SQSTM1: variants seen among roughly 807,000 people sequenced by gnomAD.
SQSTM1 encodes the protein sequestosome-1.
Under a neutral mutation model 45.1 loss-of-function variants are expected in SQSTM1, and 36 were observed. The observed-to-expected ratio is 0.80, with a 90% CI of 0.61 to 1.05. The LOEUF (loss-of-function observed/expected upper bound fraction) is 1.05. Among genes scored for constraint, SQSTM1 ranks in the 50% least tolerant of loss-of-function variants. The pLI is 0.00. For missense variants in SQSTM1, 617 were observed against 607.1 expected, an observed-to-expected ratio of 1.02 and a Z score of -0.17; for synonymous variants, 290 against 244.3, an observed-to-expected ratio of 1.19 and a Z score of -1.74.
rs71001049 is a variant in SQSTM1 at position 179,809,325 on chromosome 5, A to ATTTTT, written c.-156-2224_-156-2220dup. On this transcript the variant is annotated intron_variant, in intron 1 of 5. Transcript: ENST00000514093. Reference sequence around the variant, plus strand: ...AGGCGCCCGCCACCACGCCTGGCTAATTTTTTTTTTTTTTTTTTTTTTTTT... The same window carrying ATTTTT: ...AGGCGCCCGCCACCACGCCTGGCTAATTTTTTTTTTTTTTTTTTTTTTTTTTTTTT... Among the ~76,000 whole-genome samples, 46 of 41,078 alleles carry ATTTTT rather than the reference A, an allele frequency of 1.1e-3. 9 individuals are homozygous for ATTTTT. Among genetic ancestry groups the ATTTTT allele is most frequent in the African/African-American group, 3.1e-3 (27 of 8,830 alleles). 26.9% of individuals were successfully genotyped at this position (41,078 alleles called of 152,430 possible).
chr5:179,837,035 C>G lies in SQSTM1; in HGVS notation c.*442C>G. On this transcript the variant is annotated 3_prime_UTR_variant, in exon 8 of 8. Coordinates refer to ENST00000389805, the MANE Select transcript of SQSTM1 (RefSeq NM_003900.5). ...AGTAAGCCTAGGTGTTGTCAGCAGG[C>G]AGGCTGGGGAGGCCAGTGTTGTGGG... 1 of 638,930 alleles carries G rather than the reference C, an allele frequency of 1.6e-6. No individual in the cohort carries two copies. Among genetic ancestry groups the G allele is most frequent in the Non-Finnish European group, 2.8e-6 (1 of 362,728 alleles). The allele number at this position is 638,930 out of a possible 1,614,324, so 39.6% of individuals were successfully genotyped here.
chr5:179,807,400 G>A, intron 1 of SQSTM1: 1 of 152,466 alleles, frequency 6.6e-6, no homozygotes, highest in Non-Finnish European at 1.5e-5. Flanking sequence ...ACGGAGGCGC[G>A]CAGGGGCCCG....
chr5:179,812,033 T>C (rs542338010), intron 2 of SQSTM1: 2 of 152,086 alleles, frequency 1.3e-5, no homozygotes, highest in Non-Finnish European at 2.9e-5. Flanking sequence ...CTCGATCTCC[T>C]GACTTCATGA....
chr5:179,830,628 A>G (rs1279767653), intron 5 of SQSTM1, among the ~76,000 whole-genome samples: 1 of 151,282 alleles, frequency 6.6e-6, no homozygotes, highest in African/African-American at 2.4e-5. Context: ...GCGTGATCTC[A>G]GCTCACTGCA....
intron 7 of SQSTM1, among the ~76,000 whole-genome samples, chr5:179,834,559 G>C (rs529953826): frequency 6.6e-6 from 1 of 151,234 alleles, no homozygotes; most frequent in South Asian, 2.1e-4. Context: ...AGGACCCTGC[G>C]GCCTTCCGCA....
chr5:179,811,089 CG>C (rs1757380794), intron 1 of SQSTM1, among the ~76,000 whole-genome samples: 1 of 151,922 alleles, frequency 6.6e-6, no homozygotes, highest in African/African-American at 2.4e-5. Flanking sequence ...AAAAATTAGC[CG>C]GGAGTGGTGG....
At chr5:179,826,871 G>A (rs1422521504) in intron 5 of SQSTM1, among the ~76,000 whole-genome samples, 3 of 152,062 alleles carry the variant, frequency 2.0e-5, no homozygotes, top group African/African-American at 7.2e-5. Flanking sequence ...GTGAGCCACC[G>A]AGCCCGGCCA....
In SQSTM1 at chr5:179,833,232, G is replaced by A. The variant is rs61748794; in HGVS notation, c.955G>A (p.Glu319Lys). The A allele has an allele frequency of 2.5e-3, 3,913 of 1,588,600 alleles. 86 individuals carry two copies. The African/African-American group carries it at 0.046, about 19-fold the overall frequency. ...GATGAGGAAGATCGCCTTGGAGTCC[G>A]AGGGGCGCCCTGAGGCAAGCCTGTG... ...EQMRKIALES[E>K]GRPEEQMESD... The change falls in exon 6 of 8, where the codon GAG becomes AAG. Residue 319 changes from glutamate to lysine, a missense_variant. By Grantham distance (56) the Glu-to-Lys change is moderately conservative. Coordinates refer to ENST00000389805, the MANE Select transcript of SQSTM1 (RefSeq NM_003900.5).
At position 179,825,131 on chromosome 5, in the gene SQSTM1, T is replaced by C. The variant is rs747171411; in HGVS notation, c.674-15T>C. On this transcript the variant is annotated splice_polypyrimidine_tract_variant and intron_variant, in intron 4 of 7. Coordinates refer to ENST00000389805, the MANE Select transcript of SQSTM1 (RefSeq NM_003900.5). ...CATTAAAGATATCTTTATCTTATCT[T>C]TGTAAAAATCAAAGCTTCTGGTCCA... 3.1e-6 allele frequency: 5 copies of C among 1,613,442 alleles called. No individual in the cohort carries two copies. Among genetic ancestry groups the C allele is most frequent in the South Asian group, 1.1e-5 (1 of 91,072 alleles).
intron 5 of SQSTM1, among the ~76,000 whole-genome samples, chr5:179,828,685 T>G (rs1285904321): frequency 6.6e-6 from 1 of 152,192 alleles, no homozygotes; most frequent in East Asian, 1.9e-4. Context: ...CTTCAACCTT[T>G]TCATAATCAC....
rs1468684491 is a variant in SQSTM1, at chr5:179,832,905, C to T, written c.755-127C>T. 5 of 972,128 alleles carry T rather than the reference C, an allele frequency of 5.1e-6. No homozygotes were observed. In the East Asian group the frequency reaches 1.0e-4, roughly 20 times the overall value. The allele number at this position is 972,128 out of a possible 1,614,324, so 60.2% of individuals were successfully genotyped here. A position where few individuals can be genotyped will look rare whatever the true frequency, so the allele number is the denominator to read the frequency against. On this transcript the variant is annotated intron_variant, in intron 5 of 7. Coordinates refer to ENST00000389805, the MANE Select transcript of SQSTM1 (RefSeq NM_003900.5). Reference sequence around the variant, plus strand: ...CACGCTGAGTGCCACCATCCAGACACTTAGCTGCTTGTGGGGACTGAACGT... The same window carrying T: ...CACGCTGAGTGCCACCATCCAGACATTTAGCTGCTTGTGGGGACTGAACGT...
chr5:179,817,204 C>A (rs1757608715), upstream of SQSTM1, among the ~76,000 whole-genome samples: 1 of 152,214 alleles, frequency 6.6e-6, no homozygotes. Context: ...CTTCCAGTGA[C>A]CCCCACATCC....
Position 179,823,076 on chromosome 5 carries a change from G to T in SQSTM1, c.301+23G>T. 2.5e-6 allele frequency: 4 copies of T among 1,605,442 alleles called. 1 individual carries two copies. In the Middle Eastern group the frequency reaches 6.7e-4, roughly 270 times the overall value. On this transcript the variant is annotated intron_variant, in intron 2 of 7. Transcript: ENST00000389805. ...AAGGTAAGGGGCTGCTCTGGGGGCT[G>T]CCTGAAGCCAGCTCAGCTTGTACTC...
At position 179,837,411 on chromosome 5, in the gene SQSTM1, C is replaced by A; in HGVS notation, c.*818C>A. The A allele has an allele frequency of 6.3e-7, 1 of 1,595,508 alleles. No homozygotes were observed. ...CCAGATCACACATCATCATCGAAGT[C>A]TTCCCCAGTTATAAAGAGGTCACAT... On this transcript the variant is annotated 3_prime_UTR_variant, in exon 8 of 8. Coordinates refer to ENST00000389805, the MANE Select transcript of SQSTM1 (RefSeq NM_003900.5).
At position 179,821,429 on chromosome 5, in the gene SQSTM1, G is replaced by C. The variant is rs1036142912; in HGVS notation, c.205+288G>C. 81 of 618,248 alleles carry C rather than the reference G, an allele frequency of 1.3e-4. 1 individual carries two copies. The highest frequency in any genetic ancestry group is 9.5e-4 in the South Asian group (62 of 64,976). The allele number at this position is 618,248 out of a possible 1,614,324, so 38.3% of individuals were successfully genotyped here. The stretch of plus-strand genomic sequence containing the variant: ...CGAGCCTGGGGGCGTCAGACGCCCC[G>C]CTCCACCCCCCGCGCTGTTGGGGAT... On this transcript the variant is annotated intron_variant, in intron 1 of 7. Transcript: ENST00000389805.
intron 5 of SQSTM1, among the ~76,000 whole-genome samples, chr5:179,829,059 A>G (rs1369194077): frequency 1.3e-5 from 2 of 152,200 alleles, no homozygotes; most frequent in African/African-American, 4.8e-5. Context: ...ACCTCTAGGG[A>G]GTGTCAGCTA....
intron 1 of SQSTM1, 147 bp from the exon 2 acceptor site, chr5:179,822,811 T>A (rs992787344): frequency 2.1e-5 from 16 of 744,528 alleles, no homozygotes; most frequent in Non-Finnish European, 3.1e-5. Context: ...TAGTCTTGCC[T>A]CTCACTCCTG....
chr5:179,836,361 G>C, intron 7 of SQSTM1, 75 bp from the exon 8 acceptor site: 2 of 1,605,802 alleles, frequency 1.2e-6, no homozygotes, highest in East Asian at 4.5e-5. Context: ...GGCTGGCCAA[G>C]GCAGCAGGGT....
intron 7 of SQSTM1, chr5:179,835,175 G>A (rs1320895710): frequency 4.8e-5 from 10 of 207,784 alleles, no homozygotes; most frequent in South Asian, 2.7e-4. Flanking sequence ...ATGGGTGGCC[G>A]GGCAGAGACG....
Sources: allele counts gnomAD v4.1 joint callset (sites outside exome capture counted in the v4.1 genomes callset), GRCh38; gene constraint gnomAD v4.1.1; transcripts MANE v1.5; gene names NCBI Gene and HGNC (gene_info 2026-07-23, HGNC 2026-07-21).